The following AGBL4 variants were observed in gnomAD, a reference collection of about 807,000 sequenced individuals.
The protein encoded by AGBL4 is AGBL carboxypeptidase 4, also known as cytosolic carboxypeptidase 6.
A neutral mutation model predicts 66.4 loss-of-function variants in AGBL4; 58 were observed. The observed-to-expected ratio is 0.87, with a 90% CI of 0.71 to 1.09. The LOEUF (loss-of-function observed/expected upper bound fraction) is 1.09, where lower values mean the gene tolerates loss of function less well. Among genes scored for constraint, AGBL4 ranks in the 50% least tolerant of loss-of-function variants. The probability of loss-of-function intolerance (pLI) is 0.00; values close to 1 mark genes in which losing one functional copy is unlikely to be tolerated. For missense variants in AGBL4, 579 were observed against 631.0 expected, an observed-to-expected ratio of 0.92 and a Z score of 0.88; for synonymous variants, 234 against 222.9, an observed-to-expected ratio of 1.05 and a Z score of -0.44.
chr1:49,144,143 A>T (rs1167338898), intron 4 of AGBL4, among the ~76,000 whole-genome samples: 1 of 152,198 alleles, frequency 6.6e-6, no homozygotes, highest in Admixed American at 6.5e-5. Flanking sequence ...AAATGCTCCA[A>T]GCACTGTTAA....
chr1:48,728,211 A>G (rs1570371096), intron 6 of AGBL4, among the ~76,000 whole-genome samples: 1 of 152,216 alleles, frequency 6.6e-6, no homozygotes, highest in Non-Finnish European at 1.5e-5. Flanking sequence ...CTTAGAAAAG[A>G]GCAGATATAC....
intron 1 of AGBL4, among the ~76,000 whole-genome samples, chr1:49,920,993 G>T (rs988902078): frequency 2.0e-5 from 3 of 152,124 alleles, no homozygotes; most frequent in Non-Finnish European, 4.4e-5. Context: ...CGCAAGGACA[G>T]AAAACCGAAC....
intron 5 of AGBL4, among the ~76,000 whole-genome samples, chr1:48,931,103 T>G (rs1335180233): frequency 6.6e-6 from 1 of 152,222 alleles, no homozygotes; most frequent in South Asian, 2.1e-4. Context: ...TGATTTTTAC[T>G]CAAATATTTC....
intron 3 of AGBL4, among the ~76,000 whole-genome samples, chr1:49,483,625 T>C (rs1017832974): frequency 7.9e-5 from 12 of 151,982 alleles, no homozygotes; most frequent in African/African-American, 2.9e-4. Flanking sequence ...GACTTAAATC[T>C]ACCTTAAACT....
intron 4 of AGBL4, among the ~76,000 whole-genome samples, chr1:49,166,330 G>A (rs1002269507): frequency 3.9e-5 from 6 of 151,988 alleles, no homozygotes; most frequent in African/African-American, 9.7e-5. Flanking sequence ...TGGCATGATC[G>A]AAACTCTAAT....
chr1:49,222,035 T>C (rs1036882373), intron 4 of AGBL4, among the ~76,000 whole-genome samples: 4 of 152,184 alleles, frequency 2.6e-5, no homozygotes, highest in African/African-American at 9.6e-5. Flanking sequence ...GTCTGAATCA[T>C]TTAATTGCAA....
At chr1:49,388,900 T>G (rs1417135279) in intron 3 of AGBL4, among the ~76,000 whole-genome samples, 1 of 152,126 alleles carries the variant, frequency 6.6e-6, no homozygotes, top group Non-Finnish European at 1.5e-5. Flanking sequence ...TCCTCTAAGA[T>G]TTGAAGCCTA....
At chr1:49,383,999 G>A (rs114380843) in intron 3 of AGBL4, among the ~76,000 whole-genome samples, 11 of 151,912 alleles carry the variant, frequency 7.2e-5, no homozygotes, top group Non-Finnish European at 8.8e-5. Flanking sequence ...GTTTCACTGC[G>A]TTGGCCAGGA....
intron 4 of AGBL4, among the ~76,000 whole-genome samples, chr1:49,119,538 T>A (rs957416786): frequency 1.2e-4 from 18 of 152,216 alleles, no homozygotes. Context: ...TGAGTTCTAA[T>A]TTGATTGCAC....
intron 3 of AGBL4, among the ~76,000 whole-genome samples, chr1:49,695,785 T>C (rs532931705): frequency 6.6e-6 from 1 of 152,210 alleles, no homozygotes. Context: ...GCCCCTAAAC[T>C]TTAGTAAATA....
chr1:49,395,815 A>T (rs1644955719), intron 3 of AGBL4, among the ~76,000 whole-genome samples: 1 of 111,324 alleles, frequency 9.0e-6, no homozygotes, highest in African/African-American at 3.6e-5. Flanking sequence ...ATATATGTAT[A>T]CATATATATA....
At chr1:49,224,616 C>CAAAAAAAAAAAAAAAAAAAAAAAAAAA (rs377573639) in intron 4 of AGBL4, among the ~76,000 whole-genome samples, 1 of 74,732 alleles carries the variant, frequency 1.3e-5, no homozygotes. Context: ...GACTCCCTCT[C>CAAAAAAAAAAAAAAAAAAAAAAAAAAA]AAAAAAAAAA....
chr1:48,696,126 C>T (rs1353079099), intron 6 of AGBL4, among the ~76,000 whole-genome samples: 3 of 152,106 alleles, frequency 2.0e-5, no homozygotes, highest in South Asian at 2.1e-4. Context: ...AGGAGGTATT[C>T]GAAATATTAG....
chr1:48,552,137 C>T (rs1003562585), intron 11 of AGBL4, among the ~76,000 whole-genome samples: 1 of 152,114 alleles, frequency 6.6e-6, no homozygotes, highest in Non-Finnish European at 1.5e-5. Context: ...GATCTCAGCT[C>T]ACTGCAACCT....
intron 9 of AGBL4, among the ~76,000 whole-genome samples, chr1:48,604,913 T>C (rs546539771): frequency 6.6e-6 from 1 of 152,366 alleles, no homozygotes; most frequent in African/African-American, 2.4e-5. Context: ...CCTTCATCCA[T>C]ATCTACATAA....
At chr1:48,742,380 C>A (rs996358786) in intron 6 of AGBL4, among the ~76,000 whole-genome samples, 1 of 151,276 alleles carries the variant, frequency 6.6e-6, no homozygotes, top group Non-Finnish European at 1.5e-5. Context: ...TTTACTTTTA[C>A]AGTTGCTTTG....
At chr1:49,574,113 T>G (rs192784974) in intron 3 of AGBL4, among the ~76,000 whole-genome samples, 19 of 152,254 alleles carry the variant, frequency 1.2e-4, no homozygotes, top group African/African-American at 3.9e-4. Context: ...AGTGGGCCCC[T>G]AGAGGTAAGG....
chr1:48,851,733 T>C (rs527840360), intron 6 of AGBL4, among the ~76,000 whole-genome samples: 31 of 152,320 alleles, frequency 2.0e-4, no homozygotes, highest in African/African-American at 7.5e-4. Context: ...ACGGACTTCA[T>C]CTGGGTTGGG....
At chr1:49,153,026 G>C (rs949379778) in intron 4 of AGBL4, among the ~76,000 whole-genome samples, 2 of 152,112 alleles carry the variant, frequency 1.3e-5, no homozygotes, top group Admixed American at 1.3e-4. Flanking sequence ...AAGGGGAGAG[G>C]TGGGAAGGAA....
Sources: gnomAD v4.1 joint callset for allele counts (sites outside exome capture counted in the v4.1 genomes callset) on GRCh38, gnomAD v4.1.1 for gene constraint, MANE v1.5 for transcripts, NCBI Gene and HGNC (gene_info 2026-07-23, HGNC 2026-07-21) for gene names.